The following EBF1 variants were observed in gnomAD, a reference collection of about 807,000 sequenced individuals.
The protein encoded by EBF1 is EBF transcription factor 1.
Under a neutral mutation model 68.4 loss-of-function variants are expected in EBF1, and 10 were observed. That is an observed-to-expected ratio of 0.15 (90% confidence interval 0.09 to 0.25). The LOEUF is 0.25. EBF1 is among the 10% of genes least tolerant of loss of function. The pLI is 1.00. For synonymous variants in EBF1, 298 were observed against 299.8 expected (o/e 0.99, Z 0.06); for missense variants, 509 against 794.4 (o/e 0.64, Z 4.32).
chr5:158,960,571 A>C (rs1223683553), intron 6 of EBF1, among the ~76,000 whole-genome samples: 1 of 152,256 alleles, frequency 6.6e-6, no homozygotes, highest in East Asian at 1.9e-4. Flanking sequence ...ATGTTTGAAA[A>C]ATGTTTTTAA....
intron 8 of EBF1, among the ~76,000 whole-genome samples, chr5:158,807,748 C>T (rs1781860633): frequency 6.6e-6 from 1 of 152,146 alleles, no homozygotes; most frequent in Non-Finnish European, 1.5e-5. Context: ...CGGAAGTCCC[C>T]CAGTTGGCCT....
At chr5:158,844,742 A>C (rs1791087465) in intron 6 of EBF1, among the ~76,000 whole-genome samples, 1 of 152,242 alleles carries the variant, frequency 6.6e-6, no homozygotes, top group African/African-American at 2.4e-5. Context: ...CTACTACCTC[A>C]AATGGGAAAG....
Position 158,996,603 on chromosome 5 carries a change from A to C in EBF1, c.554+76793T>G, listed in dbSNP as rs544050444. On this transcript the variant is annotated intron_variant, in intron 6 of 15. Coordinates refer to ENST00000313708, the MANE Select transcript of EBF1 (RefSeq NM_024007.5). ...GGCCAAAGACATGTAGTATTGGTGGAAAGTGAGGCGAATCTTAACACAATT... is the reference window on the plus strand; with the variant it reads ...GGCCAAAGACATGTAGTATTGGTGGCAAGTGAGGCGAATCTTAACACAATT... 2.1e-3 allele frequency among the ~76,000 whole-genome samples: 322 copies of C among 152,328 alleles called. 2 individuals carry two copies. Among genetic ancestry groups the C allele is most frequent in the African/African-American group, 7.6e-3 (316 of 41,576 alleles).
At chr5:159,065,732 C>T (rs1776683888) in intron 6 of EBF1, among the ~76,000 whole-genome samples, 2 of 151,952 alleles carry the variant, frequency 1.3e-5, no homozygotes, top group South Asian at 4.1e-4. Context: ...ATAATAGTGA[C>T]AGTGTCCAGA....
chr5:158,975,883 C>A (rs1283679746), intron 6 of EBF1, among the ~76,000 whole-genome samples: 1 of 152,218 alleles, frequency 6.6e-6, no homozygotes, highest in East Asian at 1.9e-4. Flanking sequence ...GGACAGCAAG[C>A]ACGCCCCCAT....
At chr5:158,810,975 C>T (rs1003649331) in intron 8 of EBF1, among the ~76,000 whole-genome samples, 1 of 152,188 alleles carries the variant, frequency 6.6e-6, no homozygotes. Context: ...ATCCTGCAAT[C>T]CATGCTTCAG....
At position 158,997,845 on chromosome 5, in the gene EBF1, C is replaced by T. The variant is rs151129211; in HGVS notation, c.554+75551G>A. Reference sequence around the variant, plus strand: ...TACCTCAACGCTCATGTTCTTGCAGCGTCAAAGCACTCCTCACATCATTTT... The same window carrying T: ...TACCTCAACGCTCATGTTCTTGCAGTGTCAAAGCACTCCTCACATCATTTT... On this transcript the variant is annotated intron_variant, in intron 6 of 15. Coordinates refer to ENST00000313708, the MANE Select transcript of EBF1 (RefSeq NM_024007.5). Among the ~76,000 whole-genome samples the T allele has an allele frequency of 1.2e-3, 177 of 152,240 alleles. 1 individual carries two copies. The highest frequency in any genetic ancestry group is 3.4e-3 in the Middle Eastern group (1 of 294).
chr5:159,063,361 C>T (rs1026413086), intron 6 of EBF1, among the ~76,000 whole-genome samples: 4 of 152,164 alleles, frequency 2.6e-5, no homozygotes, highest in Non-Finnish European at 5.9e-5. Flanking sequence ...TGCCCAAGTT[C>T]GATACCTCTG....
At chr5:158,952,161 C>G (rs1477534773) in intron 6 of EBF1, among the ~76,000 whole-genome samples, 1 of 152,138 alleles carries the variant, frequency 6.6e-6, no homozygotes, top group Admixed American at 6.5e-5. Flanking sequence ...ATTAAACTAT[C>G]ACATTTCAAA....
At chr5:159,095,910 C>G (rs1782521535) in intron 3 of EBF1, among the ~76,000 whole-genome samples, 2 of 152,220 alleles carry the variant, frequency 1.3e-5, no homozygotes, top group Non-Finnish European at 2.9e-5. Flanking sequence ...AAGCCAGACG[C>G]CAAGTTCTGC....
chr5:158,855,633 A>G (rs1793842614), intron 6 of EBF1, among the ~76,000 whole-genome samples: 1 of 152,146 alleles, frequency 6.6e-6, no homozygotes, highest in South Asian at 2.1e-4. Flanking sequence ...CTCATTCCCC[A>G]TCATCGTCAT....
chr5:158,852,731 A>G (rs1458099315), intron 6 of EBF1, among the ~76,000 whole-genome samples: 2 of 152,218 alleles, frequency 1.3e-5, no homozygotes, highest in Non-Finnish European at 2.9e-5. Context: ...ATTAAGCACT[A>G]TTTCTCATGA....
At chr5:158,975,273 C>G (rs1358010624) in intron 6 of EBF1, among the ~76,000 whole-genome samples, 2 of 152,122 alleles carry the variant, frequency 1.3e-5, no homozygotes, top group Non-Finnish European at 2.9e-5. Context: ...ACCCCACTCC[C>G]CCCAAAAAAT....
chr5:158,821,559 C>T (rs1006969026), intron 8 of EBF1, among the ~76,000 whole-genome samples: 2 of 152,178 alleles, frequency 1.3e-5, no homozygotes, highest in Non-Finnish European at 2.9e-5. Flanking sequence ...CAACTAACCA[C>T]CCACAGTCAA....
At chr5:158,821,440 C>A (rs1359416316) in intron 8 of EBF1, among the ~76,000 whole-genome samples, 1 of 152,148 alleles carries the variant, frequency 6.6e-6, no homozygotes, top group Non-Finnish European at 1.5e-5. Flanking sequence ...TCACTGGCTT[C>A]CCAAGAGCAG....
At chr5:158,883,318 G>GTGTA (rs1799267332) in intron 6 of EBF1, among the ~76,000 whole-genome samples, 1 of 146,830 alleles carries the variant, frequency 6.8e-6, no homozygotes, top group African/African-American at 2.5e-5. Context: ...ATACATACAT[G>GTGTA]TGTATATATA....
At chr5:159,073,624 T>C (rs565983684) in intron 5 of EBF1, 160 bp from the exon 6 acceptor site, 2 of 733,714 alleles carry the variant, frequency 2.7e-6, no homozygotes, top group East Asian at 5.4e-5. Context: ...TCTATTTGGG[T>C]CACCTATGGG....
chr5:159,055,096 TC>T (rs1307797808), intron 6 of EBF1, among the ~76,000 whole-genome samples: 1 of 152,228 alleles, frequency 6.6e-6, no homozygotes, highest in Non-Finnish European at 1.5e-5. Flanking sequence ...ACCTGGCTGA[TC>T]CCTTGGATGA....
At chr5:158,889,970 G>C (rs1370956745) in intron 6 of EBF1, among the ~76,000 whole-genome samples, 1 of 152,182 alleles carries the variant, frequency 6.6e-6, no homozygotes, top group Non-Finnish European at 1.5e-5. Flanking sequence ...GTATACGGGA[G>C]AATATGCCTA....
Sources: gnomAD v4.1 joint callset for allele counts (sites outside exome capture counted in the v4.1 genomes callset) on GRCh38, gnomAD v4.1.1 for gene constraint, MANE v1.5 for transcripts, NCBI Gene and HGNC (gene_info 2026-07-23, HGNC 2026-07-21) for gene names.